Variants in KAZN observed in about 807,000 individuals in gnomAD.
KAZN encodes the protein kazrin.
In KAZN, 40 loss-of-function variants were observed where a neutral mutation model predicts 87.4. That is an observed-to-expected ratio of 0.46 (90% CI 0.36 to 0.60). The LOEUF (loss-of-function observed/expected upper bound fraction) is 0.60. Ranked by LOEUF, KAZN falls within the 20% of genes least tolerant of loss-of-function variation. The pLI, the probability that KAZN is intolerant of heterozygous loss-of-function variation, is 0.00. For missense variants in KAZN, 898 were observed against 1,073.9 expected (o/e 0.84, Z 2.29); for synonymous variants, 466 against 458.3 (o/e 1.02, Z -0.22).
At position 14,902,537 on chromosome 1, in the gene KAZN, AT is replaced by A. The variant is rs373838479; in HGVS notation, c.227-58140del. Reference sequence around the variant, plus strand: ...GCCACCGCGCCCAGCCAGAACTGCAATTTTTTTAAATCTTCCATGGTGTTTC... The same window carrying A: ...GCCACCGCGCCCAGCCAGAACTGCAATTTTTTAAATCTTCCATGGTGTTTC... On this transcript the variant is annotated intron_variant, in intron 1 of 14. Transcript: ENST00000376030. Among the ~76,000 whole-genome samples the A allele has an allele frequency of 1.3e-3, 192 of 152,116 alleles. 2 individuals carry two copies. Among genetic ancestry groups the A allele is most frequent in the African/African-American group, 3.9e-3 (164 of 41,520 alleles).
At chr1:14,523,970 G>A (rs1049344819) in intron 2 of KAZN, among the ~76,000 whole-genome samples, 25 of 151,624 alleles carry the variant, frequency 1.6e-4, no homozygotes, top group African/African-American at 6.1e-4. Context: ...GTATATCCAC[G>A]TGGCTTAAAG....
chr1:14,652,647 A>T (rs1268176665), intron 1 of KAZN, among the ~76,000 whole-genome samples: 1 of 44,730 alleles, frequency 2.2e-5, no homozygotes. Flanking sequence ...CCATCCATCC[A>T]CCCATCCACC....
intron 2 of KAZN, among the ~76,000 whole-genome samples, chr1:14,388,481 C>G (rs370212811): frequency 1.2e-4 from 19 of 152,128 alleles, no homozygotes; most frequent in African/African-American, 4.6e-4. Context: ...GTAGCCAAAA[C>G]AGTACAGTAC....
intron 2 of KAZN, among the ~76,000 whole-genome samples, chr1:14,217,188 T>C (rs1246028692): frequency 6.6e-6 from 1 of 152,206 alleles, no homozygotes; most frequent in Non-Finnish European, 1.5e-5. Flanking sequence ...AACTTGATAT[T>C]GGACTTTCCA....
chr1:13,903,814 A>AG (rs1639336366), intron 1 of KAZN, among the ~76,000 whole-genome samples: 1 of 152,128 alleles, frequency 6.6e-6, no homozygotes. Flanking sequence ...CAGCTCTAAG[A>AG]GGGTGGTGCT....
At chr1:15,011,125 C>G (rs1042773125) in intron 2 of KAZN, among the ~76,000 whole-genome samples, 2 of 152,194 alleles carry the variant, frequency 1.3e-5, no homozygotes, top group African/African-American at 2.4e-5. Flanking sequence ...AGAGTACACC[C>G]ACTGGCTCAG....
At chr1:15,044,238 T>G in intron 4 of KAZN, 79 bp downstream of exon 4, 4 of 467,952 alleles carry the variant, frequency 8.5e-6, no homozygotes, top group South Asian at 3.0e-5. Flanking sequence ...TGGCACCGAC[T>G]CACATCGGAG....
At chr1:15,024,746 G>A (rs1317477448) in intron 2 of KAZN, among the ~76,000 whole-genome samples, 1 of 152,192 alleles carries the variant, frequency 6.6e-6, no homozygotes, top group Non-Finnish European at 1.5e-5. Flanking sequence ...CCAGCCCTGG[G>A]CACCTTAAAA....
chr1:14,669,337 A>T (rs1043546453), intron 1 of KAZN, among the ~76,000 whole-genome samples: 3 of 152,194 alleles, frequency 2.0e-5, no homozygotes, highest in African/African-American at 7.2e-5. Flanking sequence ...GCTGCCAAAC[A>T]TCCCACAATG....
chr1:14,167,505 C>T (rs1645856254), intron 1 of KAZN, among the ~76,000 whole-genome samples: 1 of 152,114 alleles, frequency 6.6e-6, no homozygotes, highest in Non-Finnish European at 1.5e-5. Context: ...CGTGGATCAC[C>T]TGAGGTCAGG....
Position 14,276,902 on chromosome 1 carries a change from T to C in KAZN, c.249+96310T>C, listed in dbSNP as rs1431224010. On this transcript the variant is annotated intron_variant, in intron 2 of 16. Transcript: ENST00000636203. ...ATGCTGAATTTTTTAAATACATTGT[T>C]GAATGTAGTTTTCTAACACTTCATT... is the stretch of plus-strand genomic sequence containing the variant. Among the ~76,000 whole-genome samples the C allele has an allele frequency of 3.3e-5, 5 of 152,236 alleles. No homozygotes were observed. In the East Asian group the frequency reaches 9.6e-4, roughly 29 times the overall value.
At chr1:14,565,505 G>A (rs1050205034) in intron 2 of KAZN, among the ~76,000 whole-genome samples, 1 of 152,142 alleles carries the variant, frequency 6.6e-6, no homozygotes, top group African/African-American at 2.4e-5. Flanking sequence ...GGTTAGCGTG[G>A]CTCTGGCAAT....
chr1:15,095,612 GC>G (rs1640774456), intron 10 of KAZN, among the ~76,000 whole-genome samples: 1 of 56,388 alleles, frequency 1.8e-5, no homozygotes, highest in Admixed American at 1.8e-4. Flanking sequence ...CCCCCACCCC[GC>G]CCCACCCCGT....
At chr1:14,008,202 G>A (rs1469640776) in intron 1 of KAZN, among the ~76,000 whole-genome samples, 1 of 152,144 alleles carries the variant, frequency 6.6e-6, no homozygotes, top group Admixed American at 6.5e-5. Context: ...GTGCCTAAAT[G>A]CATCTGGGGA....
At chr1:14,547,875 A>G (rs1673259683) in intron 2 of KAZN, among the ~76,000 whole-genome samples, 1 of 151,960 alleles carries the variant, frequency 6.6e-6, no homozygotes, top group South Asian at 2.1e-4. Flanking sequence ...TCATATTTAC[A>G]AAAATGAACA....
At chr1:14,970,921 C>T (rs565830340) in intron 2 of KAZN, among the ~76,000 whole-genome samples, 1 of 152,296 alleles carries the variant, frequency 6.6e-6, no homozygotes, top group South Asian at 2.1e-4. Flanking sequence ...GAGGTGTGAA[C>T]ACACACTGCA....
chr1:14,065,761 A>G (rs1206580181), intron 1 of KAZN, among the ~76,000 whole-genome samples: 3 of 152,116 alleles, frequency 2.0e-5, no homozygotes, highest in Non-Finnish European at 4.4e-5. Flanking sequence ...TGAATAAGCT[A>G]GTGACTGATC....
At chr1:14,723,051 G>A (rs561711258) in intron 1 of KAZN, among the ~76,000 whole-genome samples, 10 of 152,160 alleles carry the variant, frequency 6.6e-5, no homozygotes, top group South Asian at 2.1e-4. Context: ...ACTTGAGCCC[G>A]GGAAGTCGAG....
At chr1:14,454,699 C>G (rs998084913) in intron 2 of KAZN, among the ~76,000 whole-genome samples, 1 of 152,172 alleles carries the variant, frequency 6.6e-6, no homozygotes, top group African/African-American at 2.4e-5. Flanking sequence ...CAGTGGTACT[C>G]ATGAATGTTC....
Sources: allele counts gnomAD v4.1 joint callset (sites outside exome capture counted in the v4.1 genomes callset), GRCh38; gene constraint gnomAD v4.1.1; transcripts MANE v1.5; gene names NCBI Gene and HGNC (gene_info 2026-07-23, HGNC 2026-07-21).